The following PCDH9 variants were observed in gnomAD, a reference collection of about 807,000 sequenced individuals.
The protein encoded by PCDH9 is protocadherin-9.
In PCDH9, 24 loss-of-function variants were observed where a neutral mutation model predicts 70.6. The observed-to-expected ratio is 0.34, with a 90% CI of 0.25 to 0.48. The LOEUF (loss-of-function observed/expected upper bound fraction) is 0.48. Ranked by LOEUF, PCDH9 falls within the 20% of genes least tolerant of loss-of-function variation. The pLI is 0.99. For synonymous variants in PCDH9, 562 were observed against 558.5 expected (o/e 1.01, Z -0.09); for missense variants, 1,281 against 1,503.6 (o/e 0.85, Z 2.45).
intron 2 of PCDH9, among the ~76,000 whole-genome samples, chr13:67,058,283 G>A (rs752456589): frequency 6.6e-5 from 10 of 152,082 alleles, no homozygotes; most frequent in Non-Finnish European, 1.3e-4. Flanking sequence ...CCAAGAAAAA[G>A]TTCTAGGCTT....
intron 3 of PCDH9, among the ~76,000 whole-genome samples, chr13:66,823,970 CTACT>C (rs1156888741): frequency 5.9e-5 from 9 of 152,034 alleles, no homozygotes; most frequent in African/African-American, 1.9e-4. Flanking sequence ...ATAAAGCAGT[CTACT>C]TAGGAAAGTA....
chr13:66,925,200 A>G (rs1056583969), intron 2 of PCDH9, among the ~76,000 whole-genome samples: 2 of 151,888 alleles, frequency 1.3e-5, no homozygotes, highest in Admixed American at 6.6e-5. Context: ...ATGATTGTTC[A>G]GAGAGTTTAA....
chr13:66,418,392 T>C (rs570120337), intron 4 of PCDH9, among the ~76,000 whole-genome samples: 1 of 152,312 alleles, frequency 6.6e-6, no homozygotes, highest in South Asian at 2.1e-4. Context: ...CACAATGTTG[T>C]TTGGTTACTG....
intron 2 of PCDH9, among the ~76,000 whole-genome samples, chr13:67,075,157 C>T (rs889158081): frequency 2.6e-5 from 4 of 151,886 alleles, no homozygotes; most frequent in African/African-American, 7.3e-5. Context: ...TTCAGGACAC[C>T]GAGGAATATA....
intron 3 of PCDH9, among the ~76,000 whole-genome samples, chr13:66,899,893 G>T (rs940516205): frequency 6.6e-6 from 1 of 151,876 alleles, no homozygotes; most frequent in Non-Finnish European, 1.5e-5. Context: ...GTTTAAGAAA[G>T]AACTTCAAGT....
At chr13:66,783,104 C>T (rs79909964) in intron 3 of PCDH9, among the ~76,000 whole-genome samples, 3,250 of 152,166 alleles carry the variant, frequency 0.021, 124 homozygotes, top group African/African-American at 0.072. Context: ...CATGCTACTT[C>T]GTCTTTTTTA....
intron 2 of PCDH9, among the ~76,000 whole-genome samples, chr13:67,197,626 G>A (rs1173669432): frequency 6.6e-6 from 1 of 151,876 alleles, no homozygotes; most frequent in Non-Finnish European, 1.5e-5. Flanking sequence ...TCTGGAGCAG[G>A]CCTATAGCCT....
chr13:66,843,972 C>T (rs187638783), intron 3 of PCDH9, among the ~76,000 whole-genome samples: 1 of 152,026 alleles, frequency 6.6e-6, no homozygotes, highest in Non-Finnish European at 1.5e-5. Flanking sequence ...AACGAGTAGA[C>T]CTGACTCTAA....
At chr13:66,545,829 T>TTTTATTTTATTTTATTCTATTTA (rs751643461) in intron 4 of PCDH9, among the ~76,000 whole-genome samples, 1 of 147,452 alleles carries the variant, frequency 6.8e-6, no homozygotes, top group East Asian at 2.0e-4. Flanking sequence ...TTTTATTTTA[T>TTTTATTTTATTTTATTCTATTTA]TTTATTTATT....
chr13:66,931,084 T>G (rs1419051777), intron 2 of PCDH9, among the ~76,000 whole-genome samples: 2 of 152,202 alleles, frequency 1.3e-5, no homozygotes, highest in Non-Finnish European at 2.9e-5. Flanking sequence ...GCTAATGTTT[T>G]TCAACTGTTT....
chr13:66,878,296 A>G (rs1483138831), intron 3 of PCDH9, among the ~76,000 whole-genome samples: 1 of 151,728 alleles, frequency 6.6e-6, no homozygotes, highest in Non-Finnish European at 1.5e-5. Flanking sequence ...GCATGATCTC[A>G]GCTCACTGCA....
intron 3 of PCDH9, among the ~76,000 whole-genome samples, chr13:66,644,198 C>T (rs1409887964): frequency 6.6e-6 from 1 of 151,670 alleles, no homozygotes; most frequent in East Asian, 1.9e-4. Flanking sequence ...AAATACAATA[C>T]ATAATTAAAA....
chr13:67,073,742 G>A (rs1291084501), intron 2 of PCDH9, among the ~76,000 whole-genome samples: 2 of 152,090 alleles, frequency 1.3e-5, no homozygotes, highest in East Asian at 3.9e-4. Context: ...TCACATTAAA[G>A]AAGTTTCCAT....
Position 66,845,144 on chromosome 13 carries a change from G to C in PCDH9, c.3138+58360C>G, listed in dbSNP as rs1032155039. On this transcript the variant is annotated intron_variant, in intron 3 of 4. Coordinates refer to ENST00000377865, the MANE Select transcript of PCDH9 (RefSeq NM_203487.3). ...CCCTGGCTTGAAGGTGGGGCTTCAC[G>C]AGGGACCTGCCCCTTTCTGCCCAGG... is the stretch of plus-strand genomic sequence containing the variant. Among the ~76,000 whole-genome samples, 58 of 152,130 alleles carry C rather than the reference G, an allele frequency of 3.8e-4. 1 individual carries two copies. Among genetic ancestry groups the C allele is most frequent in the African/African-American group, 1.4e-3 (56 of 41,440 alleles).
intron 2 of PCDH9, among the ~76,000 whole-genome samples, chr13:67,082,610 A>C (rs915559511): frequency 6.6e-6 from 1 of 152,138 alleles, no homozygotes; most frequent in Non-Finnish European, 1.5e-5. Flanking sequence ...CCTTTTGCTT[A>C]ATATGTCTCT....
intron 2 of PCDH9, among the ~76,000 whole-genome samples, chr13:67,102,423 G>A (rs1472204842): frequency 6.6e-6 from 1 of 151,978 alleles, no homozygotes; most frequent in Non-Finnish European, 1.5e-5. Context: ...GTAAAACACT[G>A]ACATCCAGAC....
chr13:66,891,922 C>T (rs930308634), intron 3 of PCDH9, among the ~76,000 whole-genome samples: 2 of 151,528 alleles, frequency 1.3e-5, no homozygotes, highest in Non-Finnish European at 2.9e-5. Context: ...GATATCAGGG[C>T]CCTTCACCTT....
At chr13:66,370,137 A>G (rs1956618908) in intron 4 of PCDH9, among the ~76,000 whole-genome samples, 1 of 152,072 alleles carries the variant, frequency 6.6e-6, no homozygotes, top group Non-Finnish European at 1.5e-5. Flanking sequence ...ACCTTAATAA[A>G]CATGTGATTT....
At chr13:66,359,534 T>G (rs186469289) in intron 4 of PCDH9, among the ~76,000 whole-genome samples, 1 of 151,996 alleles carries the variant, frequency 6.6e-6, no homozygotes, top group African/African-American at 2.4e-5. Context: ...AGGAGCCCTT[T>G]CAGAACAACA....
Sources: allele counts gnomAD v4.1 joint callset (sites outside exome capture counted in the v4.1 genomes callset), GRCh38; gene constraint gnomAD v4.1.1; transcripts MANE v1.5; gene names NCBI Gene and HGNC (gene_info 2026-07-23, HGNC 2026-07-21).